The following CTNNA2 variants were observed in gnomAD, a reference collection of about 807,000 sequenced individuals.
CTNNA2 encodes catenin alpha-2.
CTNNA2 carries 42 observed loss-of-function variants against 101.0 expected under a neutral mutation model. That is an observed-to-expected ratio of 0.42 (90% CI 0.32 to 0.54). The LOEUF is 0.54. Ranked by LOEUF, CTNNA2 falls within the 20% of genes least tolerant of loss-of-function variation. CTNNA2 has a pLI of 0.14. For missense variants in CTNNA2, 871 were observed against 1,223.1 expected (o/e 0.71, Z 4.29); for synonymous variants, 450 against 456.4 (o/e 0.99, Z 0.18).
chr2:79,248,433 A>AT (rs537235576), intron 2 of CTNNA2, among the ~76,000 whole-genome samples: 5 of 151,964 alleles, frequency 3.3e-5, no homozygotes, highest in Non-Finnish European at 7.4e-5. Context: ...TTTTAATATA[A>AT]TTTTTTCCTA....
At chr2:79,968,538 A>C (rs987907182) in intron 7 of CTNNA2, among the ~76,000 whole-genome samples, 1 of 152,150 alleles carries the variant, frequency 6.6e-6, no homozygotes, top group Admixed American at 6.5e-5. Context: ...GAGGAGATTA[A>C]GAGGCTGAGA....
At chr2:79,559,506 GAC>G (rs1207572585) in intron 1 of CTNNA2, among the ~76,000 whole-genome samples, 1 of 151,930 alleles carries the variant, frequency 6.6e-6, no homozygotes, top group African/African-American at 2.4e-5. Context: ...ATATTGCAGA[GAC>G]ATAGTTGAGT....
intron 15 of CTNNA2, among the ~76,000 whole-genome samples, chr2:80,598,473 A>T (rs1004448679): frequency 1.3e-5 from 2 of 152,098 alleles, no homozygotes; most frequent in African/African-American, 4.8e-5. Flanking sequence ...AAAAAAAAAA[A>T]GAATCTCAAA....
At chr2:79,812,506 A>G (rs1054167193) in intron 3 of CTNNA2, among the ~76,000 whole-genome samples, 12 of 152,152 alleles carry the variant, frequency 7.9e-5, no homozygotes, top group Non-Finnish European at 1.5e-4. Flanking sequence ...ATCACAGTAA[A>G]AGGAAATGTA....
chr2:80,349,161 T>A (rs1673055942), intron 7 of CTNNA2, among the ~76,000 whole-genome samples: 1 of 152,164 alleles, frequency 6.6e-6, no homozygotes, highest in Non-Finnish European at 1.5e-5. Flanking sequence ...TCTCATTGCC[T>A]GATGAAGACT....
At chr2:80,343,764 A>G (rs1672458647) in intron 7 of CTNNA2, among the ~76,000 whole-genome samples, 1 of 152,210 alleles carries the variant, frequency 6.6e-6, no homozygotes. Context: ...CGCAATTGGT[A>G]CTTTGGCTAA....
At chr2:79,277,713 AC>A (rs1459415736) in intron 2 of CTNNA2, among the ~76,000 whole-genome samples, 1 of 152,142 alleles carries the variant, frequency 6.6e-6, no homozygotes, top group East Asian at 1.9e-4. Context: ...TACATGTTTG[AC>A]CCCAAAACTT....
intron 2 of CTNNA2, among the ~76,000 whole-genome samples, chr2:79,270,363 A>C (rs1180856243): frequency 2.0e-5 from 3 of 152,078 alleles, no homozygotes; most frequent in South Asian, 4.1e-4. Flanking sequence ...TCTGATGTGC[A>C]ATCTGCTTCC....
rs1195183199 is a variant in CTNNA2, at chr2:79,968,659, C to CA, written c.1056+58868dup. 2.0e-5 allele frequency among the ~76,000 whole-genome samples: 3 copies of CA among 151,936 alleles called. No individual in the cohort carries two copies. The East Asian group carries it at 5.8e-4, about 29-fold the overall frequency. On this transcript the variant is annotated intron_variant, in intron 7 of 18. Transcript: ENST00000402739. ...CTCAACTCTGCAAAACCAAACAACA[C>CA]AAAAAACAAAATATAAACAATCCCC...
intron 7 of CTNNA2, among the ~76,000 whole-genome samples, chr2:79,931,671 G>GT (rs1371099322): frequency 2.0e-5 from 3 of 152,076 alleles, no homozygotes; most frequent in Non-Finnish European, 4.4e-5. Flanking sequence ...CTGGAAGTTT[G>GT]TTTTTTTAAC....
At chr2:80,586,792 G>A (rs909765532) in intron 14 of CTNNA2, among the ~76,000 whole-genome samples, 2 of 152,024 alleles carry the variant, frequency 1.3e-5, no homozygotes, top group African/African-American at 4.8e-5. Context: ...ACGTACACAC[G>A]CATATCCAAA....
At chr2:80,426,560 A>G (rs766442668) in intron 9 of CTNNA2, among the ~76,000 whole-genome samples, 2 of 152,158 alleles carry the variant, frequency 1.3e-5, no homozygotes, top group Non-Finnish European at 2.9e-5. Context: ...TCCCTTCTGC[A>G]CAGAGCAGTC....
intron 7 of CTNNA2, among the ~76,000 whole-genome samples, chr2:80,199,912 C>G (rs1238039153): frequency 2.6e-5 from 4 of 152,204 alleles, no homozygotes; most frequent in Non-Finnish European, 5.9e-5. Context: ...GTCCTGTTCT[C>G]TCTCTCTCAG....
chr2:80,573,643 C>T (rs1694793412), intron 12 of CTNNA2, among the ~76,000 whole-genome samples: 1 of 152,164 alleles, frequency 6.6e-6, no homozygotes, highest in Non-Finnish European at 1.5e-5. Flanking sequence ...AGGTCTGCTA[C>T]TCACCAGCTA....
In CTNNA2 at chr2:80,574,289, T is replaced by C; in HGVS notation, c.1868T>C (p.Ile623Thr). Residue 623 changes from isoleucine (I) to threonine (T), a missense_variant, in exon 13 of 19, where the codon ATC becomes ACC. Ile to Thr is a moderately conservative substitution (Grantham distance 89, BLOSUM62 -1). Around this residue, in one of 5 missense-constraint regions of CTNNA2, gnomAD observed 647 missense variants for 831.5 expected, o/e 0.78. Transcript: ENST00000402739. The stretch of plus-strand genomic sequence containing the variant: ...CTGGTGTATGATGGCGTTCGGGACA[T>C]CAGAAAGGCTGTGCTGATGATCAGG... ...SRLVYDGVRD[I>T]RKAVLMIRTP... The C allele has an allele frequency of 6.2e-7, 1 of 1,612,792 alleles. No homozygotes were observed. The highest frequency in any genetic ancestry group is 8.5e-7 in the Non-Finnish European group (1 of 1,179,032).
intron 1 of CTNNA2, among the ~76,000 whole-genome samples, chr2:79,526,898 G>GTTA (rs760111156): frequency 6.6e-6 from 1 of 152,112 alleles, no homozygotes; most frequent in African/African-American, 2.4e-5. Flanking sequence ...AGAAAACATA[G>GTTA]GTGTAAATCT....
chr2:79,189,225 T>C (rs1379728090), intron 1 of CTNNA2, among the ~76,000 whole-genome samples: 1 of 152,222 alleles, frequency 6.6e-6, no homozygotes, highest in Non-Finnish European at 1.5e-5. Flanking sequence ...ATAACAAATG[T>C]GTAAAATAAA....
chr2:79,756,464 A>C (rs1050948469), intron 3 of CTNNA2, among the ~76,000 whole-genome samples: 2 of 152,226 alleles, frequency 1.3e-5, no homozygotes, highest in Non-Finnish European at 2.9e-5. Context: ...ACATTTTGAG[A>C]TGAGACAAAT....
In CTNNA2 at chr2:79,521,163, T is replaced by TATAA. The variant is rs1320031028; in HGVS notation, c.-6+7959_-6+7960insAATA. ...ATATATATATATATATATATATATATATATAAATTTTAAGGTGCGCTATTT... is the reference window on the plus strand; with the variant it reads ...ATATATATATATATATATATATATATATAAATATAAATTTTAAGGTGCGCTATTT... On this transcript the variant is annotated intron_variant, in intron 1 of 18. Transcript: ENST00000402739. Among the ~76,000 whole-genome samples, 5 of 96,472 alleles carry TATAA rather than the reference T, an allele frequency of 5.2e-5. 1 individual carries two copies. The highest frequency in any genetic ancestry group is 2.3e-4 in the African/African-American group (5 of 21,596). 63.3% of individuals were successfully genotyped at this position (96,472 alleles called of 152,430 possible). A position where few individuals can be genotyped will look rare whatever the true frequency, so the allele number is the denominator to read the frequency against.
Sources: gnomAD v4.1 joint callset for allele counts (sites outside exome capture counted in the v4.1 genomes callset) on GRCh38, gnomAD v4.1.1 for gene constraint, gnomAD v4.1.1 regional missense constraint, MANE v1.5 for transcripts, NCBI Gene and HGNC (gene_info 2026-07-23, HGNC 2026-07-21) for gene names.